Variants in LPIN2 observed in about 807,000 individuals in gnomAD.
The protein encoded by LPIN2 is phosphatidate phosphatase LPIN2.
Under a neutral mutation model 111.4 loss-of-function variants are expected in LPIN2, and 55 were observed. The ratio of observed to expected loss-of-function variants is 0.49; its 90% confidence interval spans 0.40 to 0.62. The LOEUF is 0.62. Ranked by LOEUF, LPIN2 falls within the 20% of genes least tolerant of loss-of-function variation. The probability of loss-of-function intolerance (pLI) is 0.00; values close to 1 mark genes in which losing one functional copy is unlikely to be tolerated. For missense variants in LPIN2, 992 were observed against 1,112.1 expected, an observed-to-expected ratio of 0.89 and a Z score of 1.54; for synonymous variants, 425 against 414.0, an observed-to-expected ratio of 1.03 and a Z score of -0.32.
At chr18:2,939,101 C>CAGTG (rs1355978094) in intron 6 of LPIN2, among the ~76,000 whole-genome samples, 1 of 152,210 alleles carries the variant, frequency 6.6e-6, no homozygotes, top group African/African-American at 2.4e-5. Context: ...GTTAAGGCTG[C>CAGTG]AGTGAGTTGT....
intron 4 of LPIN2, chr18:2,946,038 A>C: frequency 7.1e-7 from 1 of 1,406,092 alleles, no homozygotes; most frequent in Non-Finnish European, 1.0e-6. Context: ...GACTCTCTAG[A>C]CCCCGATATG....
Position 2,922,038 on chromosome 18 carries a change from G to T in LPIN2, c.2327+9C>A, listed in dbSNP as rs536913334. The T allele has an allele frequency of 7.4e-6, 12 of 1,610,806 alleles. No individual in the cohort carries two copies. The Admixed American group carries it at 1.3e-4, about 18-fold the overall frequency. Reference sequence around the variant, plus strand: ...GCGGTGGGCAGAGGGCTGCCTGCCGGAGAGGTACCTGTGGAAGGCGGAGAA... The same window carrying T: ...GCGGTGGGCAGAGGGCTGCCTGCCGTAGAGGTACCTGTGGAAGGCGGAGAA... On this transcript the variant is annotated intron_variant, in intron 17 of 19. Coordinates refer to ENST00000677752, the MANE Select transcript of LPIN2 (RefSeq NM_001375808.2).
rs750581351 is a variant in LPIN2 at position 2,926,767 on chromosome 18, T to C, written c.1749A>G (p.Pro583=). Reference sequence around the variant, plus strand: ...TGGAGCTGGATGGCAGGTCACTGGCTGGCGGTGCCTCAGATTTTCCCTCCT... The same window carrying C: ...TGGAGCTGGATGGCAGGTCACTGGCCGGCGGTGCCTCAGATTTTCCCTCCT... ...ESKEGKSEAP[P]ASDLPSSSKE... is the part of the protein sequence containing the mutation. The change falls in exon 13 of 20, where the codon CCA becomes CCG. Residue 583 remains proline (P), a synonymous_variant. Transcript: ENST00000677752. The C allele has an allele frequency of 6.2e-7, 1 of 1,613,804 alleles. No homozygotes were observed. The highest frequency in any genetic ancestry group is 8.5e-7 in the Non-Finnish European group (1 of 1,180,018).
At chr18:2,926,880 C>G in intron 12 of LPIN2, 75 bp from the exon 13 acceptor site, 1 of 1,176,248 alleles carries the variant, frequency 8.5e-7, no homozygotes, top group South Asian at 1.3e-5. Context: ...GCAGCCCTCT[C>G]TAGGAAAGAA....
intron 1 of LPIN2, among the ~76,000 whole-genome samples, chr18:2,981,525 G>C (rs1275576389): frequency 6.6e-6 from 1 of 152,230 alleles, no homozygotes; most frequent in African/African-American, 2.4e-5. Context: ...ATGTGTGTTA[G>C]TGCTACTTAA....
Position 2,949,765 on chromosome 18 carries a change from CATTA to C in LPIN2, c.590+1286_590+1289del, listed in dbSNP as rs1386995898. 2.6e-5 allele frequency among the ~76,000 whole-genome samples: 4 copies of C among 152,120 alleles called. No homozygotes were observed. In the East Asian group the frequency reaches 5.8e-4, roughly 22 times the overall value. On this transcript the variant is annotated intron_variant, in intron 4 of 19. Transcript: ENST00000677752. ...CAAAAAAGGATTATACTATGTTATT[CATTA>C]ATGCAGTATAATTATAATATACTAA...
intron 1 of LPIN2, among the ~76,000 whole-genome samples, chr18:2,999,340 T>C (rs2078394056): frequency 6.6e-6 from 1 of 151,992 alleles, no homozygotes; most frequent in Non-Finnish European, 1.5e-5. Context: ...CCCACGCCTG[T>C]AATCCCAGCA....
At chr18:2,964,901 G>A (rs928694051) in intron 1 of LPIN2, among the ~76,000 whole-genome samples, 8 of 152,148 alleles carry the variant, frequency 5.3e-5, no homozygotes, top group Admixed American at 2.0e-4. Context: ...AAGCATTCTT[G>A]TTCCTTAAAA....
rs942713413 is a variant in LPIN2 at position 2,919,754 on chromosome 18, T to C, written c.*539A>G. The C allele has an allele frequency of 3.3e-5, 6 of 180,532 alleles. No homozygotes were observed. Among genetic ancestry groups the C allele is most frequent in the African/African-American group, 4.7e-5 (2 of 42,128 alleles). The allele number at this position is 180,532 out of a possible 1,614,324, so 11.2% of individuals were successfully genotyped here. A position where few individuals can be genotyped will look rare whatever the true frequency, so the allele number is the denominator to read the frequency against. Reference sequence around the variant, plus strand: ...GCAGGGGCGGGGGTCCTGCCCAACTTGGCCCACTGGAGCAGCTGACCCCTT... The same window carrying C: ...GCAGGGGCGGGGGTCCTGCCCAACTCGGCCCACTGGAGCAGCTGACCCCTT... On this transcript the variant is annotated 3_prime_UTR_variant, in exon 20 of 20. Coordinates refer to ENST00000677752, the MANE Select transcript of LPIN2 (RefSeq NM_001375808.2).
rs1323800064 is a variant in LPIN2, at chr18:3,011,963, A to C, written c.-10+1124T>G. 3 of 152,456 alleles carry C rather than the reference A, an allele frequency of 2.0e-5. No individual in the cohort carries two copies. In the East Asian group the frequency reaches 5.8e-4, roughly 29 times the overall value. The allele number at this position is 152,456 out of a possible 1,614,324, so 9.4% of individuals were successfully genotyped here. A position where few individuals can be genotyped will look rare whatever the true frequency, so the allele number is the denominator to read the frequency against. On this transcript the variant is annotated intron_variant, in intron 1 of 19. Coordinates refer to ENST00000677752, the MANE Select transcript of LPIN2 (RefSeq NM_001375808.2). ...ACTTCTTCTCAATCTGAAGCCACTAAGAACGATCAACACCAGACCGTTAAA... is the reference window on the plus strand; with the variant it reads ...ACTTCTTCTCAATCTGAAGCCACTACGAACGATCAACACCAGACCGTTAAA...
At chr18:2,935,632 A>C (rs773910812) in intron 7 of LPIN2, among the ~76,000 whole-genome samples, 8 of 152,250 alleles carry the variant, frequency 5.3e-5, no homozygotes, top group Admixed American at 3.9e-4. Flanking sequence ...ACAATTAGGG[A>C]AATGTAAACA....
intron 11 of LPIN2, 51 bp downstream of exon 11, chr18:2,928,540 C>T: frequency 2.0e-6 from 3 of 1,538,118 alleles, no homozygotes; most frequent in Non-Finnish European, 9.0e-7. Flanking sequence ...TGTGTAAGTA[C>T]TAGACACTGC....
At chr18:2,943,072 TA>T (rs541232201) in intron 4 of LPIN2, among the ~76,000 whole-genome samples, 123 of 152,376 alleles carry the variant, frequency 8.1e-4, no homozygotes, top group African/African-American at 2.7e-3. Context: ...CATCATTTTC[TA>T]AGCCTAACAT....
chr18:2,996,805 T>C (rs562222059), intron 1 of LPIN2, among the ~76,000 whole-genome samples: 76 of 152,166 alleles, frequency 5.0e-4, no homozygotes, highest in African/African-American at 1.7e-3. Context: ...TTGAGTATCA[T>C]ATATATCCCA....
At chr18:3,003,012 G>A (rs1262360861) in intron 1 of LPIN2, among the ~76,000 whole-genome samples, 3 of 152,244 alleles carry the variant, frequency 2.0e-5, no homozygotes, top group Non-Finnish European at 4.4e-5. Flanking sequence ...GTAAGACCTA[G>A]AGGTGGATGC....
intron 4 of LPIN2, among the ~76,000 whole-genome samples, chr18:2,945,323 T>TC (rs2077433694): frequency 6.6e-6 from 1 of 152,226 alleles, no homozygotes; most frequent in Non-Finnish European, 1.5e-5. Flanking sequence ...CAACTATGGT[T>TC]CCTACCAGTA....
Position 2,973,342 on chromosome 18 carries a change from T to C in LPIN2, c.-9-12493A>G, listed in dbSNP as rs111723055. Among the ~76,000 whole-genome samples the C allele has an allele frequency of 3.1e-3, 478 of 152,268 alleles. 3 individuals are homozygous for C. The highest frequency in any genetic ancestry group is 0.011 in the African/African-American group (456 of 41,544). ...CTGCTCTCCAAAATGCCCAAACCCA[T>C]CTGGAGTCAATCCCTCTTCCCCACC... On this transcript the variant is annotated intron_variant, in intron 1 of 19. Coordinates refer to ENST00000677752, the MANE Select transcript of LPIN2 (RefSeq NM_001375808.2).
intron 1 of LPIN2, among the ~76,000 whole-genome samples, chr18:2,978,005 C>G (rs1009618347): frequency 6.6e-6 from 1 of 151,796 alleles, no homozygotes; most frequent in Non-Finnish European, 1.5e-5. Context: ...CCAGCCTGAT[C>G]AACATGATGA....
chr18:2,986,939 G>C (rs1157212637), intron 1 of LPIN2, among the ~76,000 whole-genome samples: 1 of 152,152 alleles, frequency 6.6e-6, no homozygotes, highest in East Asian at 1.9e-4. Flanking sequence ...GCTCAGGCAG[G>C]ACTCCTGAGG....
Sources: gnomAD v4.1 joint callset for allele counts (sites outside exome capture counted in the v4.1 genomes callset) on GRCh38, gnomAD v4.1.1 for gene constraint, MANE v1.5 for transcripts, NCBI Gene and HGNC (gene_info 2026-07-23, HGNC 2026-07-21) for gene names.